Variants in TBC1D9 observed in about 807,000 individuals in gnomAD.
TBC1D9 encodes the protein TBC1 domain family member 9A.
A neutral mutation model predicts 132.0 loss-of-function variants in TBC1D9; 63 were observed. That is an observed-to-expected ratio of 0.48 (90% CI 0.39 to 0.59). TBC1D9 has a LOEUF of 0.59. Ranked by LOEUF, TBC1D9 falls within the 20% of genes least tolerant of loss-of-function variation. The pLI, the probability that TBC1D9 is intolerant of heterozygous loss-of-function variation, is 0.00. For synonymous variants in TBC1D9, 610 were observed against 609.9 expected (o/e 1.00, Z 0.00); for missense variants, 1,261 against 1,592.7 (o/e 0.79, Z 3.54).
At chr4:140,628,874 G>A (rs191797940) in intron 16 of TBC1D9, among the ~76,000 whole-genome samples, 11 of 152,230 alleles carry the variant, frequency 7.2e-5, no homozygotes, top group African/African-American at 2.2e-4. Flanking sequence ...GAGCTCCTAA[G>A]TATTTCCTTA....
chr4:140,710,759 G>T (rs1341442361), intron 1 of TBC1D9, among the ~76,000 whole-genome samples: 1 of 152,110 alleles, frequency 6.6e-6, no homozygotes, highest in African/African-American at 2.4e-5. Flanking sequence ...AGGAAGGAAT[G>T]ATTCAAATAC....
intron 10 of TBC1D9, among the ~76,000 whole-genome samples, chr4:140,661,179 G>A (rs1578829619): frequency 6.6e-6 from 1 of 152,210 alleles, no homozygotes; most frequent in African/African-American, 2.4e-5. Flanking sequence ...TTACCAAAGT[G>A]TTGGGATTAC....
intron 4 of TBC1D9, 59 bp from the exon 5 acceptor site, chr4:140,679,262 T>C: frequency 1.3e-6 from 2 of 1,558,188 alleles, no homozygotes; most frequent in Non-Finnish European, 1.7e-6. Flanking sequence ...TTTCAAGATA[T>C]TGCAGTCTCA....
At chr4:140,746,849 G>A (rs1371648598) in intron 1 of TBC1D9, among the ~76,000 whole-genome samples, 1 of 152,042 alleles carries the variant, frequency 6.6e-6, no homozygotes, top group Non-Finnish European at 1.5e-5. Context: ...TGGGGACACA[G>A]CCAAAGCATA....
chr4:140,672,549 C>T lies in TBC1D9; in HGVS notation c.1060-1623G>A, dbSNP rs148801450. Among the ~76,000 whole-genome samples, 97 of 152,206 alleles carry T rather than the reference C, an allele frequency of 6.4e-4. 1 individual carries two copies. The highest frequency in any genetic ancestry group is 2.1e-3 in the African/African-American group (86 of 41,522). On this transcript the variant is annotated intron_variant, in intron 6 of 20. Coordinates refer to ENST00000442267, the MANE Select transcript of TBC1D9 (RefSeq NM_015130.3). ...GAAAGGTTACATTATGTGTCTAAAACGCAGTTAGCTATGTGGATCTTGATA... is the reference window on the plus strand; with the variant it reads ...GAAAGGTTACATTATGTGTCTAAAATGCAGTTAGCTATGTGGATCTTGATA...
intron 1 of TBC1D9, among the ~76,000 whole-genome samples, chr4:140,722,149 C>T (rs542697659): frequency 6.6e-6 from 1 of 152,268 alleles, no homozygotes; most frequent in South Asian, 2.1e-4. Context: ...AAAATGTTTA[C>T]TCAGACCAAG....
chr4:140,728,576 C>T (rs998207953), intron 1 of TBC1D9, among the ~76,000 whole-genome samples: 3 of 152,166 alleles, frequency 2.0e-5, no homozygotes, highest in Non-Finnish European at 4.4e-5. Context: ...TCACTGAAAC[C>T]TTCACCTCCT....
intron 13 of TBC1D9, among the ~76,000 whole-genome samples, chr4:140,651,332 G>A (rs1235059688): frequency 6.6e-6 from 1 of 152,084 alleles, no homozygotes. Flanking sequence ...GTGTAGTGGT[G>A]CACACCTGCA....
chr4:140,641,761 A>G (rs558240405), intron 13 of TBC1D9: 160 of 226,388 alleles, frequency 7.1e-4, no homozygotes, highest in African/African-American at 3.5e-3. Flanking sequence ...TACAAATCAA[A>G]GCAAAAATAA....
intron 13 of TBC1D9, chr4:140,643,859 C>CG: frequency 1.4e-6 from 1 of 723,774 alleles, no homozygotes; most frequent in South Asian, 1.5e-5. Context: ...CTGCAGGGCT[C>CG]GGGGTAGCCA....
At chr4:140,641,098 AAAAAAAC>A (rs1253387018) in intron 13 of TBC1D9, among the ~76,000 whole-genome samples, 1,380 of 111,962 alleles carry the variant, frequency 0.012, 23 homozygotes, top group African/African-American at 0.052. Flanking sequence ...AGCAAAAAAA[AAAAAAAC>A]AAAAAAAAAC....
In TBC1D9 at chr4:140,661,107, T is replaced by C. The variant is rs372038724; in HGVS notation, c.1803+786A>G. ...TTTTTTGTATTTTTAGTAGAGACGGTGTTTCACCGTGTTAGCCAGGATGGT... is the reference window on the plus strand; with the variant it reads ...TTTTTTGTATTTTTAGTAGAGACGGCGTTTCACCGTGTTAGCCAGGATGGT... On this transcript the variant is annotated intron_variant, in intron 10 of 20. Transcript: ENST00000442267. Among the ~76,000 whole-genome samples, 7 of 152,134 alleles carry C rather than the reference T, an allele frequency of 4.6e-5. No homozygotes were observed. In the South Asian group the frequency reaches 1.2e-3, roughly 27 times the overall value.
At chr4:140,694,570 CAA>C (rs200877899) in intron 2 of TBC1D9, among the ~76,000 whole-genome samples, 67 of 100,286 alleles carry the variant, frequency 6.7e-4, no homozygotes, top group Middle Eastern at 5.3e-3. Flanking sequence ...GACCCTGTCT[CAA>C]AAAAAAAAAA....
At chr4:140,649,796 A>C (rs1475527566) in intron 13 of TBC1D9, among the ~76,000 whole-genome samples, 1 of 152,124 alleles carries the variant, frequency 6.6e-6, no homozygotes, top group Admixed American at 6.5e-5. Context: ...CAGGGAAGAA[A>C]ACTCTGGTGG....
At chr4:140,745,177 C>T (rs1738819307) in intron 1 of TBC1D9, among the ~76,000 whole-genome samples, 1 of 152,138 alleles carries the variant, frequency 6.6e-6, no homozygotes, top group Non-Finnish European at 1.5e-5. Flanking sequence ...CAAACTATAA[C>T]CCAGCCACCT....
Position 140,634,203 on chromosome 4 carries a change from A to G in TBC1D9, c.2506-15T>C. The G allele has an allele frequency of 6.2e-7, 1 of 1,609,334 alleles. No individual in the cohort carries two copies. The highest frequency in any genetic ancestry group is 1.3e-5 in the African/African-American group (1 of 75,008). ...AGATGTTCTGCCTGAAAAAGAATGGATGATCACTGGGGACCCTCTTTTGCA... is the reference window on the plus strand; with the variant it reads ...AGATGTTCTGCCTGAAAAAGAATGGGTGATCACTGGGGACCCTCTTTTGCA... On this transcript the variant is annotated splice_polypyrimidine_tract_variant and intron_variant, in intron 15 of 20. Coordinates refer to ENST00000442267, the MANE Select transcript of TBC1D9 (RefSeq NM_015130.3).
At chr4:140,738,338 T>G (rs904639089) in intron 1 of TBC1D9, among the ~76,000 whole-genome samples, 2 of 152,248 alleles carry the variant, frequency 1.3e-5, no homozygotes, top group Non-Finnish European at 2.9e-5. Flanking sequence ...TTGCTGAGCA[T>G]GAGATGAATG....
At chr4:140,738,162 G>A (rs573805018) in intron 1 of TBC1D9, among the ~76,000 whole-genome samples, 2 of 152,206 alleles carry the variant, frequency 1.3e-5, no homozygotes, top group Non-Finnish European at 2.9e-5. Flanking sequence ...CTCCTCTCTT[G>A]TTCTCTAGAA....
At chr4:140,701,717 C>T (rs1738072981) in intron 1 of TBC1D9, 103 bp from the exon 2 acceptor site, 1 of 820,914 alleles carries the variant, frequency 1.2e-6, no homozygotes. Context: ...CTTCCAACAA[C>T]CCCATCTCCC....
Sources: allele counts gnomAD v4.1 joint callset (sites outside exome capture counted in the v4.1 genomes callset), GRCh38; gene constraint gnomAD v4.1.1; transcripts MANE v1.5; gene names NCBI Gene and HGNC (gene_info 2026-07-23, HGNC 2026-07-21).